FSTL4: variants seen among roughly 807,000 people sequenced by gnomAD.
FSTL4 encodes follistatin like 4, also known as follistatin-related protein 4.
A neutral mutation model predicts 78.2 loss-of-function variants in FSTL4; 28 were observed. The observed-to-expected ratio is 0.36, with a 90% confidence interval of 0.27 to 0.49. The LOEUF (loss-of-function observed/expected upper bound fraction) is 0.49, where lower values mean the gene tolerates loss of function less well. Among genes scored for constraint, FSTL4 ranks in the 20% least tolerant of loss-of-function variants. The pLI is 0.98. For missense variants in FSTL4, 922 were observed against 1,084.9 expected (o/e 0.85, Z 2.11); for synonymous variants, 422 against 440.5 (o/e 0.96, Z 0.53).
intron 3 of FSTL4, among the ~76,000 whole-genome samples, chr5:133,410,469 G>A (rs1482783868): frequency 6.6e-6 from 1 of 152,158 alleles, no homozygotes; most frequent in Non-Finnish European, 1.5e-5. Flanking sequence ...ACCAACTAAT[G>A]ATTCAAGGCC....
chr5:133,688,704 T>C, the FSTL4 span, among the ~76,000 whole-genome samples: 13 of 152,330 alleles, frequency 8.5e-5, no homozygotes, highest in African/African-American at 3.1e-4. Flanking sequence ...CATTTTTTTC[T>C]AAAGTCAATG....
At chr5:133,789,305 A>G in the FSTL4 span, among the ~76,000 whole-genome samples, 1 of 152,240 alleles carries the variant, frequency 6.6e-6, no homozygotes. Flanking sequence ...CTTCCTTTGA[A>G]GATCAATGGT....
At chr5:133,235,007 C>A (rs1340868427) in intron 7 of FSTL4, among the ~76,000 whole-genome samples, 1 of 152,144 alleles carries the variant, frequency 6.6e-6, no homozygotes, top group Non-Finnish European at 1.5e-5. Flanking sequence ...TCCCTTTTCC[C>A]ACAGAAGCAT....
At chr5:133,506,833 G>T (rs527512006) in intron 3 of FSTL4, among the ~76,000 whole-genome samples, 3 of 152,366 alleles carry the variant, frequency 2.0e-5, no homozygotes, top group South Asian at 4.1e-4. Context: ...ATTTGTTGGA[G>T]GAATGACTGG....
At chr5:133,779,646 T>C in the FSTL4 span, among the ~76,000 whole-genome samples, 1 of 152,180 alleles carries the variant, frequency 6.6e-6, no homozygotes, top group African/African-American at 2.4e-5. Context: ...CTCTTCTGCC[T>C]AAAAACTTCC....
chr5:133,633,803 T>A, the FSTL4 span, among the ~76,000 whole-genome samples: 1 of 152,124 alleles, frequency 6.6e-6, no homozygotes, highest in African/African-American at 2.4e-5. Flanking sequence ...TGTCATCTGT[T>A]ACTCCCCAGT....
the FSTL4 span, among the ~76,000 whole-genome samples, chr5:133,813,780 A>G: frequency 6.6e-6 from 1 of 152,220 alleles, no homozygotes; most frequent in Admixed American, 6.5e-5. Flanking sequence ...TGGCATTGCT[A>G]CCATCAGGCT....
intron 3 of FSTL4, among the ~76,000 whole-genome samples, chr5:133,562,933 G>T (rs769289966): frequency 4.6e-5 from 7 of 152,204 alleles, no homozygotes; most frequent in Non-Finnish European, 7.4e-5. Context: ...GGCCCTCACA[G>T]TGGACACGGG....
the FSTL4 span, among the ~76,000 whole-genome samples, chr5:133,627,933 A>G: frequency 2.0e-5 from 3 of 151,922 alleles, no homozygotes; most frequent in Admixed American, 2.0e-4. Flanking sequence ...ATCTCTTTGT[A>G]TCACTTTTAC....
At chr5:133,222,981 T>C (rs1187214247) in intron 11 of FSTL4, among the ~76,000 whole-genome samples, 1 of 152,222 alleles carries the variant, frequency 6.6e-6, no homozygotes. Context: ...ACCAACCCTA[T>C]GCCCCAAGGC....
At chr5:133,298,141 C>T (rs1007474976) in intron 6 of FSTL4, among the ~76,000 whole-genome samples, 1 of 152,148 alleles carries the variant, frequency 6.6e-6, no homozygotes, top group Admixed American at 6.5e-5. Context: ...TGCCTCTGGG[C>T]CTCATCTATA....
At chr5:133,424,743 C>G (rs1051344984) in intron 3 of FSTL4, among the ~76,000 whole-genome samples, 10 of 152,176 alleles carry the variant, frequency 6.6e-5, no homozygotes, top group Admixed American at 1.3e-4. Context: ...CTAAATACCA[C>G]GTAAAGGAGA....
intron 6 of FSTL4, among the ~76,000 whole-genome samples, chr5:133,300,837 T>C (rs1337161423): frequency 6.6e-6 from 1 of 151,728 alleles, no homozygotes; most frequent in East Asian, 1.9e-4. Flanking sequence ...GGGGTTTGGG[T>C]TTGAGAGAAA....
chr5:133,384,354 C>T (rs1405996516), intron 4 of FSTL4, among the ~76,000 whole-genome samples: 7 of 152,306 alleles, frequency 4.6e-5, no homozygotes, highest in Admixed American at 6.5e-5. Flanking sequence ...TGCGCCCTGA[C>T]GAAGGGCTGA....
chr5:133,522,764 C>G (rs1023930522), intron 3 of FSTL4, among the ~76,000 whole-genome samples: 1 of 152,204 alleles, frequency 6.6e-6, no homozygotes, highest in African/African-American at 2.4e-5. Flanking sequence ...ATTCTAAAAG[C>G]CCCAATTATC....
intron 3 of FSTL4, among the ~76,000 whole-genome samples, chr5:133,455,371 T>A (rs25873): frequency 0.42 from 63,275 of 152,066 alleles, 13,665 homozygotes; most frequent in African/African-American, 0.51. Flanking sequence ...GCTGAACCCA[T>A]AAGAATGAAT....
At chr5:133,321,731 G>C (rs1433326609) in intron 4 of FSTL4, among the ~76,000 whole-genome samples, 2 of 152,238 alleles carry the variant, frequency 1.3e-5, no homozygotes, top group African/African-American at 4.8e-5. Flanking sequence ...AGCCTGGGAT[G>C]GGGAGACTCA....
In FSTL4 at chr5:133,198,846, G is replaced by A; in HGVS notation, c.*249C>T. On this transcript the variant is annotated 3_prime_UTR_variant, in exon 16 of 16. Transcript: ENST00000265342. ...TCGGTGTGCAGCTTGGCACAGAAAT[G>A]ATCCCTTTACACAGCAGCATATGTT... 1 of 378,628 alleles carries A rather than the reference G, an allele frequency of 2.6e-6. No individual in the cohort carries two copies. Among genetic ancestry groups the A allele is most frequent in the Non-Finnish European group, 4.7e-6 (1 of 210,590 alleles). The allele number at this position is 378,628 out of a possible 1,614,324, so 23.5% of individuals were successfully genotyped here. A position where few individuals can be genotyped will look rare whatever the true frequency, so the allele number is the denominator to read the frequency against.
chr5:133,641,531 C>G, the FSTL4 span, among the ~76,000 whole-genome samples: 2 of 149,684 alleles, frequency 1.3e-5, no homozygotes, highest in East Asian at 2.0e-4. Context: ...ACCCTGGGAC[C>G]AACACTTCTA....
Sources: allele counts gnomAD v4.1 joint callset (sites outside exome capture counted in the v4.1 genomes callset), GRCh38; gene constraint gnomAD v4.1.1; transcripts MANE v1.5; gene names NCBI Gene and HGNC (gene_info 2026-07-23, HGNC 2026-07-21).